SNTG1: variants seen among roughly 807,000 people sequenced by gnomAD.
SNTG1 encodes the protein syntrophin gamma 1, also known as gamma-1-syntrophin.
SNTG1 carries 39 observed loss-of-function variants against 74.7 expected under a neutral mutation model. The ratio of observed to expected loss-of-function variants is 0.52; its 90% CI spans 0.40 to 0.68. The LOEUF (loss-of-function observed/expected upper bound fraction) is 0.68, where lower values mean the gene tolerates loss of function less well. Ranked by LOEUF, SNTG1 falls within the 30% of genes least tolerant of loss-of-function variation. SNTG1 has a pLI of 0.00. For synonymous variants in SNTG1, 254 were observed against 217.1 expected, an observed-to-expected ratio of 1.17 and a Z score of -1.49; for missense variants, 685 against 609.5, an observed-to-expected ratio of 1.12 and a Z score of -1.30.
intron 1 of SNTG1, among the ~76,000 whole-genome samples, chr8:50,026,458 G>A (rs1159591789): frequency 6.6e-6 from 1 of 152,118 alleles, no homozygotes; most frequent in Non-Finnish European, 1.5e-5. Flanking sequence ...AATGAGATAA[G>A]GGTTGAAGGT....
chr8:50,209,509 C>A (rs2084408380), intron 2 of SNTG1, among the ~76,000 whole-genome samples: 1 of 152,090 alleles, frequency 6.6e-6, no homozygotes, highest in Non-Finnish European at 1.5e-5. Context: ...CCAGGTGCCC[C>A]CCTGAGATGA....
At chr8:50,697,582 TA>T (rs2095409571) in intron 15 of SNTG1, among the ~76,000 whole-genome samples, 1 of 152,198 alleles carries the variant, frequency 6.6e-6, no homozygotes, top group East Asian at 1.9e-4. Context: ...TGACCTTTAT[TA>T]TTTTGAGGTA....
chr8:50,167,147 A>G (rs907598025), intron 1 of SNTG1, among the ~76,000 whole-genome samples: 1 of 142,952 alleles, frequency 7.0e-6, no homozygotes, highest in Non-Finnish European at 1.5e-5. Context: ...GGGGAGGGAT[A>G]GCATTGGGAG....
At chr8:49,974,272 A>T (rs1289163108) in intron 1 of SNTG1, among the ~76,000 whole-genome samples, 1 of 152,218 alleles carries the variant, frequency 6.6e-6, no homozygotes. Flanking sequence ...TACCACAGCC[A>T]CAATAATATT....
In SNTG1 at chr8:50,794,898, T is replaced by TA. The variant is rs1206920690; in HGVS notation, c.*2075dup. ...TTTGTAAACGTTCCATTTTAGAATT[T>TA]AAAAAACCTATTAACCATTAGCTAT... On this transcript the variant is annotated 3_prime_UTR_variant, in exon 19 of 19. Transcript: ENST00000642720. 2 of 152,038 alleles carry TA rather than the reference T, an allele frequency of 1.3e-5. No individual in the cohort carries two copies. The highest frequency in any genetic ancestry group is 6.6e-5 in the Admixed American group (1 of 15,232). The allele number at this position is 152,038 out of a possible 1,614,324, so 9.4% of individuals were successfully genotyped here. A position where few individuals can be genotyped will look rare whatever the true frequency, so the allele number is the denominator to read the frequency against.
intron 2 of SNTG1, among the ~76,000 whole-genome samples, chr8:50,210,850 A>T (rs1368905600): frequency 2.0e-5 from 3 of 152,196 alleles, no homozygotes; most frequent in Admixed American, 6.5e-5. Flanking sequence ...TAGTTCTTAG[A>T]AATGACAGGT....
intron 9 of SNTG1, among the ~76,000 whole-genome samples, chr8:50,523,487 G>T (rs1394887404): frequency 6.6e-6 from 1 of 152,068 alleles, no homozygotes; most frequent in African/African-American, 2.4e-5. Flanking sequence ...GCCATTGTAG[G>T]GTTATTCTTT....
intron 15 of SNTG1, among the ~76,000 whole-genome samples, chr8:50,668,061 A>G (rs1313799744): frequency 6.6e-6 from 1 of 152,096 alleles, no homozygotes; most frequent in Non-Finnish European, 1.5e-5. Context: ...CAGAGAGAAC[A>G]CATCAGAAGG....
At chr8:50,051,239 G>C (rs1586057298) in intron 1 of SNTG1, among the ~76,000 whole-genome samples, 1 of 147,116 alleles carries the variant, frequency 6.8e-6, no homozygotes, top group Non-Finnish European at 1.5e-5. Context: ...AGAAAATCTT[G>C]ACACACACAC....
intron 12 of SNTG1, among the ~76,000 whole-genome samples, chr8:50,578,917 G>A (rs2094592606): frequency 6.6e-6 from 1 of 152,120 alleles, no homozygotes; most frequent in Non-Finnish European, 1.5e-5. Flanking sequence ...AGTGGGGTGT[G>A]GCTATAAGGA....
intron 17 of SNTG1, among the ~76,000 whole-genome samples, chr8:50,715,570 C>T (rs1466690770): frequency 1.3e-5 from 2 of 152,148 alleles, no homozygotes; most frequent in Non-Finnish European, 2.9e-5. Flanking sequence ...AGAATGAGCT[C>T]TATCACAGGT....
intron 1 of SNTG1, among the ~76,000 whole-genome samples, chr8:50,120,555 C>T (rs2080963615): frequency 1.3e-5 from 1 of 78,762 alleles, no homozygotes; most frequent in Admixed American, 1.6e-4. Flanking sequence ...ATAACTACTA[C>T]TACTACCACT....
At chr8:50,525,950 C>T (rs747869871) in intron 9 of SNTG1, among the ~76,000 whole-genome samples, 1 of 151,656 alleles carries the variant, frequency 6.6e-6, no homozygotes, top group South Asian at 2.1e-4. Context: ...TCAGCCATGT[C>T]TCTTAGACTT....
intron 4 of SNTG1, among the ~76,000 whole-genome samples, chr8:50,427,778 C>G (rs2093182216): frequency 6.6e-6 from 1 of 152,200 alleles, no homozygotes; most frequent in African/African-American, 2.4e-5. Flanking sequence ...CAAATTTACT[C>G]AATTGTTCTT....
In SNTG1 at chr8:50,137,872, G is replaced by GGTGACTCCTCTTGGA. The variant is rs1006707156; in HGVS notation, c.-102-34678_-102-34664dup. ...GCTGGGGCCACAGTGAGTGACCAAT[G>GGTGACTCCTCTTGGA]GTGACTCCTCTTGGAGTGACTCCTC... On this transcript the variant is annotated intron_variant, in intron 1 of 18. Coordinates refer to ENST00000642720, the MANE Select transcript of SNTG1 (RefSeq NM_018967.5). Among the ~76,000 whole-genome samples the GGTGACTCCTCTTGGA allele has an allele frequency of 3.9e-5, 6 of 152,114 alleles. 1 individual carries two copies. The highest frequency in any genetic ancestry group is 2.0e-4 in the Admixed American group (3 of 15,254).
At chr8:50,022,455 C>T (rs1816911113) in intron 1 of SNTG1, among the ~76,000 whole-genome samples, 1 of 152,174 alleles carries the variant, frequency 6.6e-6, no homozygotes, top group African/African-American at 2.4e-5. Flanking sequence ...CAAGTGCTAT[C>T]TAATCCTGGG....
At chr8:50,060,128 T>C (rs1291853045) in intron 1 of SNTG1, among the ~76,000 whole-genome samples, 1 of 152,110 alleles carries the variant, frequency 6.6e-6, no homozygotes, top group Non-Finnish European at 1.5e-5. Flanking sequence ...TGTATGTGCT[T>C]TTTTGGTCAT....
At chr8:50,735,789 T>C (rs912101494) in intron 17 of SNTG1, among the ~76,000 whole-genome samples, 4 of 151,824 alleles carry the variant, frequency 2.6e-5, no homozygotes, top group Non-Finnish European at 5.9e-5. Flanking sequence ...AAGATACTCC[T>C]CAAGAAGAGC....
At chr8:50,261,910 A>G (rs2087212389) in intron 2 of SNTG1, among the ~76,000 whole-genome samples, 1 of 152,184 alleles carries the variant, frequency 6.6e-6, no homozygotes, top group Non-Finnish European at 1.5e-5. Flanking sequence ...TATATCATAT[A>G]TGAATGTAAA....
Sources: allele counts gnomAD v4.1 joint callset (sites outside exome capture counted in the v4.1 genomes callset), GRCh38; gene constraint gnomAD v4.1.1; transcripts MANE v1.5; gene names NCBI Gene and HGNC (gene_info 2026-07-23, HGNC 2026-07-21).